PARN: variants seen among roughly 807,000 people sequenced by gnomAD.
The protein encoded by PARN is poly(A)-specific ribonuclease, also known as poly(A)-specific ribonuclease PARN.
In PARN, 71 loss-of-function variants were observed where a neutral mutation model predicts 102.8. The ratio of observed to expected loss-of-function variants is 0.69; its 90% CI spans 0.57 to 0.84. The LOEUF (loss-of-function observed/expected upper bound fraction) is 0.84, where lower values mean the gene tolerates loss of function less well. Ranked by LOEUF, PARN falls within the 40% of genes least tolerant of loss-of-function variation. PARN has a pLI of 0.00. For missense variants in PARN, 782 were observed against 760.9 expected, an observed-to-expected ratio of 1.03 and a Z score of -0.33; for synonymous variants, 261 against 252.9, an observed-to-expected ratio of 1.03 and a Z score of -0.30.
chr16:14,486,532 A>G (rs1199173406), intron 21 of PARN, among the ~76,000 whole-genome samples: 15 of 152,254 alleles, frequency 9.9e-5, no homozygotes, highest in Admixed American at 9.8e-4. Context: ...CTCCCAGCTG[A>G]TAGACAAATG....
At chr16:14,484,007 G>A (rs1231578350) in intron 21 of PARN, among the ~76,000 whole-genome samples, 1 of 152,104 alleles carries the variant, frequency 6.6e-6, no homozygotes. Context: ...TCCTTCCCCT[G>A]GAGTCCCAAA....
intron 21 of PARN, among the ~76,000 whole-genome samples, chr16:14,518,927 A>G (rs938963273): frequency 3.3e-5 from 5 of 152,180 alleles, no homozygotes; most frequent in African/African-American, 1.2e-4. Context: ...AGAAGCTATC[A>G]GACTGTGCAC....
At chr16:14,533,117 T>C (rs1042782721) in intron 21 of PARN, among the ~76,000 whole-genome samples, 11 of 151,974 alleles carry the variant, frequency 7.2e-5, no homozygotes, top group South Asian at 2.1e-4. Context: ...CTGGGCACCA[T>C]TGAGCACTGA....
chr16:14,493,043 T>G (rs1470080303), intron 21 of PARN, among the ~76,000 whole-genome samples: 1 of 152,278 alleles, frequency 6.6e-6, no homozygotes, highest in East Asian at 1.9e-4. Flanking sequence ...AAAGCCAATA[T>G]AAGACATTCC....
intron 23 of PARN, among the ~76,000 whole-genome samples, chr16:14,439,421 AG>A (rs1250882948): frequency 1.2e-5 from 1 of 80,078 alleles, no homozygotes; most frequent in African/African-American, 4.8e-5. Context: ...GAAAGAAGAC[AG>A]GGAGGGAGGG....
chr16:14,438,687 C>T (rs1006877398), intron 23 of PARN, among the ~76,000 whole-genome samples: 6 of 152,310 alleles, frequency 3.9e-5, no homozygotes, highest in East Asian at 3.9e-4. Flanking sequence ...TTTTAATGAA[C>T]GCTAGGTCTC....
intron 21 of PARN, among the ~76,000 whole-genome samples, chr16:14,528,660 G>A (rs1032531697): frequency 4.6e-5 from 7 of 152,154 alleles, no homozygotes; most frequent in Non-Finnish European, 1.0e-4. Flanking sequence ...CTAATGCCAG[G>A]CACTATGTCG....
chr16:14,587,536 G>A lies in PARN; in HGVS notation c.919-1175C>T, dbSNP rs183175351. ...TTTTATCAAGTCAGGGTCTCACTATGTTGCCCAGACTAGCCTTGAACTCCT... is the reference window on the plus strand; with the variant it reads ...TTTTATCAAGTCAGGGTCTCACTATATTGCCCAGACTAGCCTTGAACTCCT... On this transcript the variant is annotated intron_variant, in intron 13 of 23. Coordinates refer to ENST00000437198, the MANE Select transcript of PARN (RefSeq NM_002582.4). 5.3e-5 allele frequency among the ~76,000 whole-genome samples: 8 copies of A among 152,252 alleles called. No individual in the cohort carries two copies. In the East Asian group the frequency reaches 1.2e-3, roughly 22 times the overall value.
At chr16:14,588,321 G>A (rs1240652298) in intron 13 of PARN, among the ~76,000 whole-genome samples, 3 of 152,208 alleles carry the variant, frequency 2.0e-5, no homozygotes, top group African/African-American at 7.2e-5. Context: ...CTGGATCACA[G>A]AAAGCCTGTT....
chr16:14,548,590 A>G (rs1438906801), intron 21 of PARN, among the ~76,000 whole-genome samples: 1 of 152,206 alleles, frequency 6.6e-6, no homozygotes, highest in Non-Finnish European at 1.5e-5. Context: ...TGTGAAAACA[A>G]TATAATAAGG....
chr16:14,525,912 G>A lies in PARN; in HGVS notation c.1480+26109C>T, dbSNP rs904797634. ...TGGCTCACTGCAACCTCCACCTCCCGGGTTCAAGCAATCCTCCAACCTCAG... is the reference window on the plus strand; with the variant it reads ...TGGCTCACTGCAACCTCCACCTCCCAGGTTCAAGCAATCCTCCAACCTCAG... On this transcript the variant is annotated intron_variant, in intron 21 of 23. Coordinates refer to ENST00000437198, the MANE Select transcript of PARN (RefSeq NM_002582.4). Among the ~76,000 whole-genome samples, 16 of 152,010 alleles carry A rather than the reference G, an allele frequency of 1.1e-4. No homozygotes were observed. The East Asian group carries it at 2.5e-3, about 24-fold the overall frequency.
At position 14,482,538 on chromosome 16, in the gene PARN, TC is replaced by T. The variant is rs541081929; in HGVS notation, c.1670+99del. On this transcript the variant is annotated intron_variant, in intron 22 of 23. Transcript: ENST00000437198. ...ATGTGAAAAGTTGAAAGGCCATCTT[TC>T]CCAAAAGTCAGATTTAGTACTTACA... 113 of 905,514 alleles carry T rather than the reference TC, an allele frequency of 1.2e-4. No individual in the cohort carries two copies. The African/African-American group carries it at 1.5e-3, about 12-fold the overall frequency. 56.1% of individuals were successfully genotyped at this position (905,514 alleles called of 1,614,324 possible).
chr16:14,624,424 C>A (rs1972513211), intron 5 of PARN, among the ~76,000 whole-genome samples: 2 of 152,180 alleles, frequency 1.3e-5, no homozygotes, highest in African/African-American at 4.8e-5. Context: ...AGAATCCCGG[C>A]ATTTTTATTC....
intron 22 of PARN, among the ~76,000 whole-genome samples, chr16:14,459,775 C>T (rs1961862116): frequency 6.6e-6 from 1 of 152,110 alleles, no homozygotes; most frequent in Admixed American, 6.5e-5. Context: ...GTAATCAAGA[C>T]AGTATGGTAT....
intron 22 of PARN, among the ~76,000 whole-genome samples, chr16:14,457,459 C>A (rs991420282): frequency 1.3e-5 from 2 of 152,044 alleles, no homozygotes; most frequent in Non-Finnish European, 2.9e-5. Context: ...AGAAGCCAAA[C>A]CCTCGGAGAT....
rs143617143 is a variant in PARN at position 14,571,946 on chromosome 16, A to G, written c.1262+8928T>C. On this transcript the variant is annotated intron_variant, in intron 18 of 23. Transcript: ENST00000437198. ...GAGAAATCAATCAAACGGCTTTTTAAATATTTAAATTCAAATGGAAATGAA... is the reference window on the plus strand; with the variant it reads ...GAGAAATCAATCAAACGGCTTTTTAGATATTTAAATTCAAATGGAAATGAA... 4.8e-3 allele frequency among the ~76,000 whole-genome samples: 736 copies of G among 152,304 alleles called. 3 individuals carry two copies. Among genetic ancestry groups the G allele is most frequent in the Middle Eastern group, 0.02 (6 of 294 alleles).
intron 23 of PARN, among the ~76,000 whole-genome samples, chr16:14,444,254 C>T (rs945886758): frequency 7.2e-5 from 11 of 151,884 alleles, no homozygotes; most frequent in East Asian, 1.9e-4. Context: ...GAAGAAAGCT[C>T]GATTCACTCA....
At chr16:14,454,564 G>A (rs982945141) in intron 22 of PARN, among the ~76,000 whole-genome samples, 14 of 151,934 alleles carry the variant, frequency 9.2e-5, no homozygotes, top group African/African-American at 3.4e-4. Context: ...TTAGTTCTAT[G>A]AGTCGCTTCA....
chr16:14,599,228 A>G (rs1970731316), intron 12 of PARN, among the ~76,000 whole-genome samples: 1 of 151,896 alleles, frequency 6.6e-6, no homozygotes, highest in Non-Finnish European at 1.5e-5. Context: ...TTTTTGGTAG[A>G]GATGGGGTTT....
Sources: allele counts gnomAD v4.1 joint callset (sites outside exome capture counted in the v4.1 genomes callset), GRCh38; gene constraint gnomAD v4.1.1; transcripts MANE v1.5; gene names NCBI Gene and HGNC (gene_info 2026-07-23, HGNC 2026-07-21).